Variants in CHD9NB observed in about 807,000 individuals in gnomAD.
CHD9NB encodes CHD9 neighbor, also known as CHD9 neighbor protein.
chr16:53,050,368 C>T, the CHD9NB span, among the ~76,000 whole-genome samples: 6 of 151,992 alleles, frequency 3.9e-5, no homozygotes, highest in African/African-American at 1.5e-4. Context: ...ATTAGCCAGA[C>T]ATGATGGCAC....
chr16:53,040,845 G>A, the CHD9NB span, among the ~76,000 whole-genome samples: 1 of 152,202 alleles, frequency 6.6e-6, no homozygotes, highest in Non-Finnish European at 1.5e-5. Context: ...TAAATGGATA[G>A]ATGAATGGAT....
chr16:53,044,780 G>C, the CHD9NB span, among the ~76,000 whole-genome samples: 1 of 152,166 alleles, frequency 6.6e-6, no homozygotes, highest in Non-Finnish European at 1.5e-5. Context: ...CTAAGAAGTA[G>C]GTGTATTATT....
the CHD9NB span, among the ~76,000 whole-genome samples, chr16:53,051,868 G>C: frequency 6.9e-6 from 1 of 145,526 alleles, no homozygotes; most frequent in Non-Finnish European, 1.5e-5. Flanking sequence ...GCACATAGTA[G>C]GTGCTTAGTA....
At chr16:53,048,252 A>G in the CHD9NB span, among the ~76,000 whole-genome samples, 1 of 151,968 alleles carries the variant, frequency 6.6e-6, no homozygotes, top group East Asian at 1.9e-4. Context: ...AAAAACAGAC[A>G]AAAATTAGCT....
chr16:53,041,568 C>A, the CHD9NB span, among the ~76,000 whole-genome samples: 1 of 152,122 alleles, frequency 6.6e-6, no homozygotes, highest in Admixed American at 6.5e-5. Context: ...CCTAAAGCTT[C>A]CTTCCTTTGA....
At chr16:53,036,771 C>T in the CHD9NB span, among the ~76,000 whole-genome samples, 1 of 152,190 alleles carries the variant, frequency 6.6e-6, no homozygotes, top group African/African-American at 2.4e-5. Context: ...AATCACTAAT[C>T]AATGTTATTT....
the CHD9NB span, among the ~76,000 whole-genome samples, chr16:53,049,410 A>T: frequency 6.6e-6 from 1 of 151,906 alleles, no homozygotes; most frequent in Non-Finnish European, 1.5e-5. Flanking sequence ...TCCTGGCATC[A>T]AGTGATCCTC....
At chr16:53,046,863 G>A in the CHD9NB span, among the ~76,000 whole-genome samples, 1 of 152,204 alleles carries the variant, frequency 6.6e-6, no homozygotes, top group Non-Finnish European at 1.5e-5. Context: ...GAAGCACAAG[G>A]CCCATGAATC....
the CHD9NB span, among the ~76,000 whole-genome samples, chr16:53,048,513 C>A: frequency 9.2e-5 from 14 of 152,306 alleles, no homozygotes; most frequent in Admixed American, 2.0e-4. Flanking sequence ...GGCTTATTTG[C>A]CATCTAGTCC....
At chr16:53,044,453 C>A in the CHD9NB span, among the ~76,000 whole-genome samples, 1 of 152,228 alleles carries the variant, frequency 6.6e-6, no homozygotes, top group South Asian at 2.1e-4. Context: ...TACAAATCAT[C>A]CCACCACCAC....
chr16:53,050,951 G>A, the CHD9NB span, among the ~76,000 whole-genome samples: 6 of 151,416 alleles, frequency 4.0e-5, no homozygotes, highest in African/African-American at 9.7e-5. Context: ...GCAGTCGTGC[G>A]ATCTTGGCTT....
chr16:53,042,800 T>C, the CHD9NB span: 1 of 152,258 alleles, frequency 6.6e-6, no homozygotes, highest in East Asian at 1.9e-4. Flanking sequence ...TAAGAAGCAC[T>C]CTACATGCGT....
At chr16:53,036,763 T>G in the CHD9NB span, among the ~76,000 whole-genome samples, 23 of 152,302 alleles carry the variant, frequency 1.5e-4, no homozygotes, top group African/African-American at 5.1e-4. Flanking sequence ...TTAAAGCTAA[T>G]CACTAATCAA....
At chr16:53,038,002 C>A in the CHD9NB span, among the ~76,000 whole-genome samples, 3 of 152,158 alleles carry the variant, frequency 2.0e-5, no homozygotes, top group Non-Finnish European at 4.4e-5. Flanking sequence ...ATGCTGGAGA[C>A]CCAGGAAAGC....
At chr16:53,045,516 T>C in the CHD9NB span, among the ~76,000 whole-genome samples, 1 of 152,204 alleles carries the variant, frequency 6.6e-6, no homozygotes, top group African/African-American at 2.4e-5. Flanking sequence ...GCATTCCTTT[T>C]CCTAACTCTA....
chr16:53,036,919 T>C, the CHD9NB span, among the ~76,000 whole-genome samples: 2 of 152,236 alleles, frequency 1.3e-5, no homozygotes, highest in African/African-American at 4.8e-5. Flanking sequence ...CCCGGGCAGC[T>C]GTCCTCACGT....
the CHD9NB span, chr16:53,047,389 T>C: frequency 2.0e-5 from 3 of 152,168 alleles, no homozygotes; most frequent in Non-Finnish European, 4.4e-5. Context: ...ACAGACTGGG[T>C]GGCTTACACA....
chr16:53,047,491 T>C, the CHD9NB span, among the ~76,000 whole-genome samples: 11 of 152,156 alleles, frequency 7.2e-5, no homozygotes, highest in Admixed American at 7.2e-4. Context: ...CCTTCCTGGC[T>C]TGTAGATGGC....
At chr16:53,036,279 C>T in the CHD9NB span, among the ~76,000 whole-genome samples, 1 of 152,164 alleles carries the variant, frequency 6.6e-6, no homozygotes, top group Non-Finnish European at 1.5e-5. Context: ...TTGTGAGGAG[C>T]AAATTAGATA....
Sources: allele counts gnomAD v4.1 joint callset (sites outside exome capture counted in the v4.1 genomes callset), GRCh38; gene constraint gnomAD v4.1.1; transcripts MANE v1.5; gene names NCBI Gene and HGNC (gene_info 2026-07-23, HGNC 2026-07-21).